Variants in DNAJC6 observed in about 807,000 individuals in gnomAD.
The protein encoded by DNAJC6 is DnaJ heat shock protein family (Hsp40) member C6.
In DNAJC6, 34 loss-of-function variants were observed where a neutral mutation model predicts 110.0. The ratio of observed to expected loss-of-function variants is 0.31; its 90% CI spans 0.24 to 0.41. The LOEUF (loss-of-function observed/expected upper bound fraction) is 0.41. Among genes scored for constraint, DNAJC6 ranks in the 10% least tolerant of loss-of-function variants. The pLI is 1.00. For synonymous variants in DNAJC6, 406 were observed against 437.2 expected (o/e 0.93, Z 0.89); for missense variants, 1,031 against 1,207.8 (o/e 0.85, Z 2.17).
rs1485090795 is a variant in DNAJC6 at position 65,415,301 on chromosome 1, G to C, written c.*2276G>C. 2 of 152,080 alleles carry C rather than the reference G, an allele frequency of 1.3e-5. No homozygotes were observed. The highest frequency in any genetic ancestry group is 2.4e-5 in the African/African-American group (1 of 41,396). 9.4% of individuals were successfully genotyped at this position (152,080 alleles called of 1,614,324 possible). A position where few individuals can be genotyped will look rare whatever the true frequency, so the allele number is the denominator to read the frequency against. On this transcript the variant is annotated 3_prime_UTR_variant, in exon 19 of 19. Transcript: ENST00000371069. ...ATTTGTATAAATCTAAGTTATTTGG[G>C]TACTTGTAGGAATACAATGAGGAGC...
intron 15 of DNAJC6, among the ~76,000 whole-genome samples, chr1:65,403,397 G>A (rs1049017810): frequency 1.3e-5 from 2 of 152,238 alleles, no homozygotes; most frequent in Non-Finnish European, 1.5e-5. Context: ...TGTGGGAAGG[G>A]GTATCAGTTC....
At chr1:65,283,546 A>T (rs1653919115) in intron 1 of DNAJC6, among the ~76,000 whole-genome samples, 1 of 152,136 alleles carries the variant, frequency 6.6e-6, no homozygotes, top group Admixed American at 6.5e-5. Flanking sequence ...TTGTTAAAAT[A>T]TTTATCCATT....
intron 1 of DNAJC6, among the ~76,000 whole-genome samples, chr1:65,301,841 A>T (rs921837284): frequency 6.6e-6 from 1 of 151,144 alleles, no homozygotes. Flanking sequence ...GCCTGTTTAG[A>T]CTCTGTTTGT....
At chr1:65,311,966 A>G (rs1197414879) in intron 1 of DNAJC6, among the ~76,000 whole-genome samples, 1 of 152,224 alleles carries the variant, frequency 6.6e-6, no homozygotes, top group Non-Finnish European at 1.5e-5. Context: ...GGCAGTAACT[A>G]TAACACAGAG....
At position 65,402,712 on chromosome 1, in the gene DNAJC6, C is replaced by T. The variant is rs558732399; in HGVS notation, c.2227+832C>T. 4.6e-5 allele frequency among the ~76,000 whole-genome samples: 7 copies of T among 152,258 alleles called. No homozygotes were observed. The East Asian group carries it at 1.3e-3, about 29-fold the overall frequency. On this transcript the variant is annotated intron_variant, in intron 15 of 18. Coordinates refer to ENST00000371069, the MANE Select transcript of DNAJC6 (RefSeq NM_001256864.2). ...AAAGCCCTACTGAGGCATTTAGAGC[C>T]AGATGGAGGGAATGTGAGCCTGGCT... is the stretch of plus-strand genomic sequence containing the variant.
intron 1 of DNAJC6, among the ~76,000 whole-genome samples, chr1:65,354,888 A>G (rs1256785987): frequency 6.6e-6 from 1 of 152,140 alleles, no homozygotes; most frequent in Non-Finnish European, 1.5e-5. Context: ...GACATTCTGA[A>G]GAGTATTCTT....
chr1:65,290,929 AGGT>A (rs1321775614), intron 1 of DNAJC6, among the ~76,000 whole-genome samples: 1 of 152,230 alleles, frequency 6.6e-6, no homozygotes, highest in East Asian at 1.9e-4. Context: ...AAAAATTAAG[AGGT>A]GAAGTAAAAT....
chr1:65,326,537 C>G (rs1313302040), intron 1 of DNAJC6, among the ~76,000 whole-genome samples: 2 of 152,196 alleles, frequency 1.3e-5, no homozygotes, highest in Non-Finnish European at 2.9e-5. Flanking sequence ...AAACATATTA[C>G]TTAAAAACCA....
At chr1:65,340,640 A>C (rs1306441367) in intron 1 of DNAJC6, among the ~76,000 whole-genome samples, 1 of 152,168 alleles carries the variant, frequency 6.6e-6, no homozygotes, top group Non-Finnish European at 1.5e-5. Flanking sequence ...TGGGCATGAT[A>C]ATATCCACCA....
intron 3 of DNAJC6, 33 bp downstream of exon 3, chr1:65,365,967 G>T (rs780772827): frequency 9.3e-6 from 15 of 1,612,796 alleles, no homozygotes; most frequent in Non-Finnish European, 1.2e-5. Flanking sequence ...CAGTCCTTTG[G>T]CTCAGTTTCC....
intron 1 of DNAJC6, among the ~76,000 whole-genome samples, chr1:65,323,339 T>C (rs2375700): frequency 0.8 from 121,486 of 152,164 alleles, 49,264 homozygotes; most frequent in African/African-American, 0.95. Flanking sequence ...GTTCTCATGA[T>C]AGTGAGTGAG....
chr1:65,388,294 T>G (rs758211086), intron 8 of DNAJC6, 42 bp from the exon 9 acceptor site: 1 of 1,551,640 alleles, frequency 6.4e-7, no homozygotes, highest in Non-Finnish European at 8.9e-7. Context: ...AGATTCCCTT[T>G]TCGCTGATTG....
At chr1:65,398,725 G>T in intron 13 of DNAJC6, 88 bp from the exon 14 acceptor site, 1 of 1,376,628 alleles carries the variant, frequency 7.3e-7, no homozygotes, top group East Asian at 2.4e-5. Flanking sequence ...GCAGGCTTCA[G>T]GGATGGAATG....
chr1:65,411,563 T>A, intron 18 of DNAJC6, 137 bp downstream of exon 18: 1 of 770,628 alleles, frequency 1.3e-6, no homozygotes, highest in Non-Finnish European at 2.0e-6. Flanking sequence ...AAATCAGATA[T>A]TTAAACAAAT....
intron 1 of DNAJC6, among the ~76,000 whole-genome samples, chr1:65,361,730 G>T (rs573590967): frequency 6.6e-5 from 10 of 152,300 alleles, no homozygotes; most frequent in Admixed American, 6.5e-4. Flanking sequence ...TTGGAGAATG[G>T]TTTGTCAATA....
At chr1:65,304,872 C>A (rs546394293), upstream of DNAJC6, among the ~76,000 whole-genome samples, 2 of 152,268 alleles carry the variant, frequency 1.3e-5, no homozygotes, top group African/African-American at 4.8e-5. Context: ...AGCCTATATA[C>A]CCTCTGTAAA....
At chr1:65,279,085 AT>A (rs1209656072) in intron 1 of DNAJC6, 5 of 985,332 alleles carry the variant, frequency 5.1e-6, no homozygotes, top group Admixed American at 1.2e-4. Context: ...AAAAAGGGAA[AT>A]TCGTGCCTGT....
At position 65,409,158 on chromosome 1, in the gene DNAJC6, T is replaced by A. The variant is rs542311863; in HGVS notation, c.2634+375T>A. ...GTCTCATGAACTAATCACCTCCCAA[T>A]AGGAAGCCCTAACCTCCTAATACCA... is the stretch of plus-strand genomic sequence containing the variant. On this transcript the variant is annotated intron_variant, in intron 17 of 18. Transcript: ENST00000371069. Among the ~76,000 whole-genome samples, 51 of 152,268 alleles carry A rather than the reference T, an allele frequency of 3.3e-4. No homozygotes were observed. The South Asian group carries it at 0.011, about 32-fold the overall frequency.
At chr1:65,306,302 C>T (rs909659896), upstream of DNAJC6, 1 of 152,262 alleles carries the variant, frequency 6.6e-6, no homozygotes, top group African/African-American at 2.4e-5. Flanking sequence ...CCACCTCAGC[C>T]TCCCAAAGTG....
Sources: gnomAD v4.1 joint callset for allele counts (sites outside exome capture counted in the v4.1 genomes callset) on GRCh38, gnomAD v4.1.1 for gene constraint, MANE v1.5 for transcripts, NCBI Gene and HGNC (gene_info 2026-07-23, HGNC 2026-07-21) for gene names.